DYNC1I2: variants seen among roughly 807,000 people sequenced by gnomAD.
The protein encoded by DYNC1I2 is dynein cytoplasmic 1 intermediate chain 2, also known as cytoplasmic dynein 1 intermediate chain 2.
DYNC1I2 carries 53 observed loss-of-function variants against 88.6 expected under a neutral mutation model. That is an observed-to-expected ratio of 0.60 (90% CI 0.48 to 0.75). The LOEUF (loss-of-function observed/expected upper bound fraction) is 0.75. Ranked by LOEUF, DYNC1I2 falls within the 30% of genes least tolerant of loss-of-function variation. DYNC1I2 has a pLI of 0.00. For synonymous variants in DYNC1I2, 198 were observed against 254.6 expected (o/e 0.78, Z 2.12); for missense variants, 458 against 766.6 (o/e 0.60, Z 4.75).
At chr2:171,744,360 G>A (rs988799447) in intron 16 of DYNC1I2, among the ~76,000 whole-genome samples, 171 bp downstream of exon 16, 5 of 152,164 alleles carry the variant, frequency 3.3e-5, no homozygotes, top group South Asian at 2.1e-4. Flanking sequence ...AGCATGCTGC[G>A]AAGAACTAAA....
chr2:171,728,516 G>C, intron 13 of DYNC1I2, 98 bp downstream of exon 13: 1 of 827,094 alleles, frequency 1.2e-6, no homozygotes, highest in Non-Finnish European at 1.9e-6. Flanking sequence ...TTTTATAGTA[G>C]TGTTACAACA....
chr2:171,719,102 G>A (rs1028786992), intron 7 of DYNC1I2, among the ~76,000 whole-genome samples: 4 of 152,070 alleles, frequency 2.6e-5, no homozygotes, highest in African/African-American at 7.2e-5. Flanking sequence ...TCTATGTAAA[G>A]GCACTAGATT....
intron 5 of DYNC1I2, among the ~76,000 whole-genome samples, chr2:171,710,345 G>T (rs990845561): frequency 1.3e-5 from 2 of 152,142 alleles, no homozygotes; most frequent in Non-Finnish European, 2.9e-5. Flanking sequence ...CGATGTTAAT[G>T]TAAGAATAAA....
At chr2:171,707,089 C>A in intron 4 of DYNC1I2, 198 bp from the exon 5 acceptor site, 1 of 730,804 alleles carries the variant, frequency 1.4e-6, no homozygotes, top group Non-Finnish European at 2.2e-6. Flanking sequence ...TTGCATGAAT[C>A]TTCAGCATGC....
intron 3 of DYNC1I2, among the ~76,000 whole-genome samples, chr2:171,699,136 G>A (rs1056687537): frequency 2.6e-5 from 4 of 152,054 alleles, no homozygotes; most frequent in Non-Finnish European, 4.4e-5. Flanking sequence ...GTGAAACCCC[G>A]TCTCTACTAA....
intron 15 of DYNC1I2, among the ~76,000 whole-genome samples, chr2:171,739,193 A>G (rs1378788537): frequency 6.6e-6 from 1 of 152,102 alleles, no homozygotes. Flanking sequence ...TGATTGTAAA[A>G]GAAAAAGGCT....
chr2:171,700,705 C>T (rs1451718846), intron 3 of DYNC1I2, among the ~76,000 whole-genome samples: 1 of 152,040 alleles, frequency 6.6e-6, no homozygotes, highest in Non-Finnish European at 1.5e-5. Flanking sequence ...GATCTTGGCT[C>T]ACTGCAAGCT....
intron 7 of DYNC1I2, among the ~76,000 whole-genome samples, chr2:171,721,120 T>A (rs1270531587): frequency 3.0e-5 from 2 of 65,918 alleles, no homozygotes; most frequent in Non-Finnish European, 2.9e-5. Context: ...ACCCCATCTC[T>A]TAAAAAAAAA....
rs1689913012 is a variant in DYNC1I2, at chr2:171,747,900, G to A, written c.*11G>A. 4 of 1,576,026 alleles carry A rather than the reference G, an allele frequency of 2.5e-6. No homozygotes were observed. The highest frequency in any genetic ancestry group is 1.7e-5 in the Admixed American group (1 of 59,484). On this transcript the variant is annotated 3_prime_UTR_variant, in exon 18 of 18. Coordinates refer to ENST00000397119, the MANE Select transcript of DYNC1I2 (RefSeq NM_001378.3). ...CGAATACCTGCTTAGTTCCTGAAAA[G>A]GGGAGTGTAACTAGTGGATTTGGGA...
At chr2:171,700,227 A>G (rs1285055257) in intron 3 of DYNC1I2, among the ~76,000 whole-genome samples, 2 of 152,168 alleles carry the variant, frequency 1.3e-5, no homozygotes, top group Non-Finnish European at 2.9e-5. Context: ...CACTCCACGG[A>G]TCTACTTGAG....
chr2:171,700,591 G>T (rs896625339), intron 3 of DYNC1I2, among the ~76,000 whole-genome samples: 1 of 152,072 alleles, frequency 6.6e-6, no homozygotes, highest in African/African-American at 2.4e-5. Context: ...TTGTTTAATC[G>T]TAACTATAAC....
chr2:171,694,768 G>A (rs1262086022), intron 3 of DYNC1I2, among the ~76,000 whole-genome samples: 1 of 152,184 alleles, frequency 6.6e-6, no homozygotes, highest in Non-Finnish European at 1.5e-5. Flanking sequence ...ATGGCAGAAG[G>A]CAAAGGGGCG....
intron 5 of DYNC1I2, among the ~76,000 whole-genome samples, chr2:171,710,120 T>TACACACACACAC (rs1383615743): frequency 1.0e-5 from 1 of 95,676 alleles, no homozygotes; most frequent in Non-Finnish European, 2.1e-5. Context: ...TTTATGTATA[T>TACACACACACAC]ATACACACAC....
rs769376357 is a variant in DYNC1I2 at position 171,692,914 on chromosome 2, C to G, written c.226+20C>G. 3.3e-6 allele frequency: 5 copies of G among 1,515,334 alleles called. No homozygotes were observed. 93.9% of individuals were successfully genotyped at this position (1,515,334 alleles called of 1,614,324 possible). On this transcript the variant is annotated intron_variant, in intron 3 of 17. Coordinates refer to ENST00000397119, the MANE Select transcript of DYNC1I2 (RefSeq NM_001378.3). ...CCATTGGTAAGGTTAAGAATATATC[C>G]ATTTATAAGAGATAGGCATAGATTC...
rs748942700 is a variant in DYNC1I2, at chr2:171,707,270, T to C, written c.245-17T>C. On this transcript the variant is annotated splice_polypyrimidine_tract_variant and intron_variant, in intron 4 of 17. Transcript: ENST00000397119. ...TCCGTGTAGTAACAGCGGATACCTG[T>C]CTATTTCACTATTTAGTCCCTCCTC... 5 of 1,613,850 alleles carry C rather than the reference T, an allele frequency of 3.1e-6. No homozygotes were observed. The highest frequency in any genetic ancestry group is 4.2e-6 in the Non-Finnish European group (5 of 1,179,760).
chr2:171,730,274 AAGAG>A (rs1445747226), intron 15 of DYNC1I2, among the ~76,000 whole-genome samples: 4 of 152,200 alleles, frequency 2.6e-5, no homozygotes, highest in Non-Finnish European at 4.4e-5. Flanking sequence ...AAATAGGGAA[AAGAG>A]AGAGAGAAAC....
intron 4 of DYNC1I2, 39 bp from the exon 5 acceptor site, chr2:171,707,248 G>C: frequency 6.2e-7 from 1 of 1,613,322 alleles, no homozygotes; most frequent in Non-Finnish European, 8.5e-7. Context: ...CAACCTCTCC[G>C]TGTAGTAACA....
At chr2:171,742,949 T>C (rs1303709661) in intron 15 of DYNC1I2, among the ~76,000 whole-genome samples, 1 of 152,176 alleles carries the variant, frequency 6.6e-6, no homozygotes, top group Non-Finnish European at 1.5e-5. Flanking sequence ...TATACTGCAC[T>C]GTAGTCTGCT....
chr2:171,733,018 T>G (rs1248212320), intron 15 of DYNC1I2, among the ~76,000 whole-genome samples: 2 of 152,160 alleles, frequency 1.3e-5, no homozygotes, highest in Non-Finnish European at 2.9e-5. Context: ...TAGGCCCCAG[T>G]ATGAGTTGTT....
Sources: gnomAD v4.1 joint callset for allele counts (sites outside exome capture counted in the v4.1 genomes callset) on GRCh38, gnomAD v4.1.1 for gene constraint, MANE v1.5 for transcripts, NCBI Gene and HGNC (gene_info 2026-07-23, HGNC 2026-07-21) for gene names.